PTPRA: variants seen among roughly 807,000 people sequenced by gnomAD.
PTPRA encodes receptor-type tyrosine-protein phosphatase alpha.
A neutral mutation model predicts 104.8 loss-of-function variants in PTPRA; 25 were observed. That is an observed-to-expected ratio of 0.24 (90% CI 0.17 to 0.33). The LOEUF (loss-of-function observed/expected upper bound fraction) is 0.33, where lower values mean the gene tolerates loss of function less well. Among genes scored for constraint, PTPRA ranks in the 10% least tolerant of loss-of-function variants. The probability of loss-of-function intolerance (pLI) is 1.00; values close to 1 mark genes in which losing one functional copy is unlikely to be tolerated. For synonymous variants in PTPRA, 323 were observed against 368.9 expected (o/e 0.88, Z 1.43); for missense variants, 765 against 1,015.3 (o/e 0.75, Z 3.35).
chr20:2,960,618 C>T lies in PTPRA; in HGVS notation c.-6-3654C>T, dbSNP rs554381707. On this transcript the variant is annotated intron_variant, in intron 3 of 23. Transcript: ENST00000399903. ...CAGTGATGATCACTCCTCACTGAAG[C>T]GTCGACCTCCCAGGCTCAAGTGATC... Among the ~76,000 whole-genome samples, 6 of 152,014 alleles carry T rather than the reference C, an allele frequency of 3.9e-5. No individual in the cohort carries two copies. In the East Asian group the frequency reaches 5.8e-4, roughly 15 times the overall value.
intron 1 of PTPRA, among the ~76,000 whole-genome samples, chr20:2,897,775 T>G (rs1372723028): frequency 6.6e-6 from 1 of 152,194 alleles, no homozygotes; most frequent in Non-Finnish European, 1.5e-5. Context: ...TTTAAACATA[T>G]GAGCACAGCC....
At chr20:2,899,222 G>T (rs77852816) in intron 1 of PTPRA, among the ~76,000 whole-genome samples, 1 of 152,110 alleles carries the variant, frequency 6.6e-6, no homozygotes, top group Admixed American at 6.5e-5. Context: ...TATAGTCCTA[G>T]CTAGAGTGAG....
chr20:3,007,268 C>CA, intron 10 of PTPRA, 76 bp from the exon 11 acceptor site: 1 of 1,415,474 alleles, frequency 7.1e-7, no homozygotes, highest in Non-Finnish European at 1.0e-6. Context: ...ACAGATGTCT[C>CA]AACTGTCCTG....
chr20:3,035,957 G>A lies in PTPRA; in HGVS notation c.2198+16G>A, dbSNP rs905429734. 3.0e-5 allele frequency: 48 copies of A among 1,612,988 alleles called. No individual in the cohort carries two copies. Among genetic ancestry groups the A allele is most frequent in the Non-Finnish European group, 3.9e-5 (46 of 1,179,972 alleles). ...TGCACTGCAGGTATGGCTCACCCTTGCCCTCAGCGGGAGAGAGAAAGCGAG... is the reference window on the plus strand; with the variant it reads ...TGCACTGCAGGTATGGCTCACCCTTACCCTCAGCGGGAGAGAGAAAGCGAG... On this transcript the variant is annotated intron_variant, in intron 22 of 23. Transcript: ENST00000399903. The surrounding 1 kb of genome is among the most constrained non-coding windows in gnomAD (Gnocchi z 5.8).
intron 10 of PTPRA, among the ~76,000 whole-genome samples, 196 bp downstream of exon 10, chr20:3,005,342 A>C (rs2063813948): frequency 6.6e-6 from 1 of 152,122 alleles, no homozygotes; most frequent in Non-Finnish European, 1.5e-5. Context: ...TGAGCCCAGG[A>C]GTTTGAAACT....
chr20:3,003,753 C>T (rs543779251), intron 9 of PTPRA, among the ~76,000 whole-genome samples: 1 of 148,890 alleles, frequency 6.7e-6, no homozygotes, highest in African/African-American at 2.5e-5. Flanking sequence ...GCTGTGTTGC[C>T]CAGGCTGGTC....
At chr20:2,986,941 T>C in intron 7 of PTPRA, 92 bp downstream of exon 7, 4 of 1,135,158 alleles carry the variant, frequency 3.5e-6, no homozygotes, top group Non-Finnish European at 5.3e-6. Context: ...CAGTAGGATA[T>C]ACACAATGAA....
intron 1 of PTPRA, among the ~76,000 whole-genome samples, chr20:2,910,155 ACGTC>A (rs2059621041): frequency 3.3e-5 from 3 of 91,268 alleles, no homozygotes; most frequent in Non-Finnish European, 6.3e-5. Flanking sequence ...TATATACTAT[ACGTC>A]ATATATAATA....
At chr20:2,876,472 T>C (rs963707943) in intron 1 of PTPRA, among the ~76,000 whole-genome samples, 4 of 152,204 alleles carry the variant, frequency 2.6e-5, no homozygotes, top group African/African-American at 9.7e-5. Context: ...TTACTGGGTT[T>C]TTTTACTTAA....
At chr20:2,959,771 T>C (rs1209509630) in intron 3 of PTPRA, among the ~76,000 whole-genome samples, 1 of 152,018 alleles carries the variant, frequency 6.6e-6, no homozygotes, top group African/African-American at 2.4e-5. Flanking sequence ...GCCAATATGA[T>C]GAAACCCCAT....
upstream of PTPRA, among the ~76,000 whole-genome samples, chr20:2,870,872 A>G (rs1013404933): frequency 1.1e-4 from 17 of 152,136 alleles, no homozygotes; most frequent in African/African-American, 3.4e-4. Context: ...GCAGTCCCCC[A>G]TTTGGGTAGG....
At chr20:2,924,703 A>C (rs1159013391) in intron 2 of PTPRA, among the ~76,000 whole-genome samples, 2 of 152,112 alleles carry the variant, frequency 1.3e-5, no homozygotes, top group Non-Finnish European at 2.9e-5. Flanking sequence ...GTTTTTTGAG[A>C]CTGAGTCTTG....
At chr20:2,866,726 C>A in the PTPRA span, 1 of 1,164,068 alleles carries the variant, frequency 8.6e-7, no homozygotes, top group Non-Finnish European at 1.2e-6. Flanking sequence ...AAAGTTGGAA[C>A]ACTTCACAGT....
chr20:2,950,439 C>T lies in PTPRA; in HGVS notation c.-7+2415C>T, dbSNP rs1188963154. Among the ~76,000 whole-genome samples the T allele has an allele frequency of 6.6e-6, 1 of 151,550 alleles. No individual in the cohort carries two copies. Among genetic ancestry groups the T allele is most frequent in the African/African-American group, 2.4e-5 (1 of 41,270 alleles). On this transcript the variant is annotated intron_variant, in intron 3 of 23. Transcript: ENST00000399903. This position sits in a 1 kb window ranked among gnomAD's most constrained non-coding sequence, Gnocchi z 4.0. Reference sequence around the variant, plus strand: ...GGATCACGAGGTCAAGAGATCGAGACCATCCTGGCCATCATGGTGAAACCC... The same window carrying T: ...GGATCACGAGGTCAAGAGATCGAGATCATCCTGGCCATCATGGTGAAACCC...
At chr20:3,024,699 T>G in intron 17 of PTPRA, 78 bp downstream of exon 17, 2 of 1,544,818 alleles carry the variant, frequency 1.3e-6, no homozygotes, top group African/African-American at 1.4e-5. Context: ...TGACTGTGCA[T>G]TTGCCAACAG....
chr20:2,864,859 C>A, the PTPRA span: 2 of 1,361,002 alleles, frequency 1.5e-6, no homozygotes, highest in Admixed American at 1.8e-5. The surrounding 1 kb of genome is among the most constrained non-coding windows in gnomAD (Gnocchi z 5.2). Flanking sequence ...GTGCACCTAG[C>A]AGGCAAGGCT....
the PTPRA span, chr20:2,864,531 C>T: frequency 6.2e-7 from 1 of 1,614,116 alleles, no homozygotes. The surrounding 1 kb of genome is among the most constrained non-coding windows in gnomAD (Gnocchi z 5.2). Context: ...GACTGATTGC[C>T]TGCCTGTGGC....
chr20:2,948,102 CT>C, intron 3 of PTPRA, 78 bp downstream of exon 3: 1 of 677,918 alleles, frequency 1.5e-6, no homozygotes, highest in Non-Finnish European at 2.2e-6. Flanking sequence ...TGAAGGGCTA[CT>C]TAGCAAGCTG....
chr20:2,968,714 G>T (rs1007810511), intron 5 of PTPRA, among the ~76,000 whole-genome samples: 2 of 152,116 alleles, frequency 1.3e-5, no homozygotes, highest in African/African-American at 4.8e-5. Flanking sequence ...GGGAGTTTGA[G>T]ACCAGCCTAA....
Sources: allele counts gnomAD v4.1 joint callset (sites outside exome capture counted in the v4.1 genomes callset), GRCh38; gene constraint gnomAD v4.1.1; non-coding constraint Gnocchi (gnomAD v3.1); transcripts MANE v1.5; gene names NCBI Gene and HGNC (gene_info 2026-07-23, HGNC 2026-07-21).